The following TM9SF1 variants were observed in gnomAD, a reference collection of about 807,000 sequenced individuals.
TM9SF1 encodes MP70 protein family member.
A neutral mutation model predicts 52.4 loss-of-function variants in TM9SF1; 25 were observed. The ratio of observed to expected loss-of-function variants is 0.48; its 90% confidence interval spans 0.35 to 0.67. TM9SF1 has a LOEUF of 0.67. Among genes scored for constraint, TM9SF1 ranks in the 30% least tolerant of loss-of-function variants. The pLI, the probability that TM9SF1 is intolerant of heterozygous loss-of-function variation, is 0.01. For synonymous variants in TM9SF1, 284 were observed against 299.8 expected (o/e 0.95, Z 0.55); for missense variants, 604 against 780.3 (o/e 0.77, Z 2.69).
In TM9SF1 at chr14:24,195,033, G is replaced by C. The variant is rs756137382; in HGVS notation, c.-14C>G. The C allele has an allele frequency of 1.2e-6, 2 of 1,608,204 alleles. No individual in the cohort carries two copies. Among genetic ancestry groups the C allele is most frequent in the Admixed American group, 1.7e-5 (1 of 59,886 alleles). ...TACGACTGTCATCCTTAAGGCAGTG[G>C]AACCTGTTTGGGGGAATCCTGAGGT... is the stretch of plus-strand genomic sequence containing the variant. On this transcript the variant is annotated 5_prime_UTR_variant, in exon 2 of 6. Transcript: ENST00000261789.
At position 24,189,636 on chromosome 14, in the gene TM9SF1, G is replaced by A. The variant is rs754976441; in HGVS notation, c.1600C>T (p.Arg534Ter). ...GTGGAGCCAACACTCAGCACAGATC[G>A]CCACCACCAGCGGTAATCCTCCCCA... is the stretch of plus-strand genomic sequence containing the variant. ...LSGEDYRWWW[R>*]SVLSVGSTGL... is the part of the protein sequence containing the mutation. The change falls in exon 6 of 6, where the codon CGA becomes TGA. Residue 534 changes from arginine (R) to a stop codon, truncating the protein, a stop_gained. Transcript: ENST00000261789. LOFTEE classifies it high-confidence loss of function. The A allele has an allele frequency of 4.3e-6, 7 of 1,613,990 alleles. No individual in the cohort carries two copies. The highest frequency in any genetic ancestry group is 2.7e-5 in the African/African-American group (2 of 74,914).
Position 24,189,502 on chromosome 14 carries a change from A to G in TM9SF1, c.1734T>C (p.Tyr578=). The change falls in exon 6 of 6, where the codon TAT becomes TAC. Residue 578 remains tyrosine, a synonymous_variant. Coordinates refer to ENST00000261789, the MANE Select transcript of TM9SF1 (RefSeq NM_006405.7). ...EFFGYSLLTG[Y]VFFLMLGTIS... ...TGGTGCCCAGCATGAGGAAGAAGAC[A>G]TAACCAGTGAGTAAGGAGTAGCCGA... 1 of 1,614,220 alleles carries G rather than the reference A, an allele frequency of 6.2e-7. No individual in the cohort carries two copies. The highest frequency in any genetic ancestry group is 8.5e-7 in the Non-Finnish European group (1 of 1,180,032).
In TM9SF1 at chr14:24,192,998, A is replaced by G. The variant is rs1473685437; in HGVS notation, c.617T>C (p.Val206Ala). The G allele has an allele frequency of 1.9e-6, 3 of 1,614,110 alleles. No individual in the cohort carries two copies. The highest frequency in any genetic ancestry group is 2.7e-5 in the African/African-American group (2 of 74,940). Residue 206 changes from valine to alanine, a missense_variant, in exon 3 of 6, where the codon GTG (valine) becomes GCG (alanine). Val to Ala is a moderately conservative substitution (Grantham distance 64). This residue lies in a region of TM9SF1 where 450 missense variants were observed against 560.1 expected (regional missense o/e 0.80). Transcript: ENST00000261789. This position sits in a 1 kb window ranked among gnomAD's most constrained non-coding sequence, Gnocchi z 4.0. ...CTCCACTGAAGTCTCAGACCAGCGC[A>G]CGCTATAAGTGTGGGTAAGGCCTAG... is the stretch of plus-strand genomic sequence containing the variant. ...EFLGLTHTYS[V>A]RWSETSVERR...
chr14:24,193,317 CAG>C (rs771140106), intron 2 of TM9SF1, 48 bp from the exon 3 acceptor site: 2 of 1,534,348 alleles, frequency 1.3e-6, no homozygotes, highest in East Asian at 2.3e-5. Context: ...TCCCCAGGCG[CAG>C]AGTTACAGCA....
intron 4 of TM9SF1, 85 bp from the exon 5 acceptor site, chr14:24,190,738 G>A (rs1339854903): frequency 1.5e-6 from 2 of 1,303,092 alleles, no homozygotes; most frequent in South Asian, 3.0e-5. Flanking sequence ...ACCAAAAGGG[G>A]AGGGGGCTGA....
Position 24,194,881 on chromosome 14 carries a change from T to G in TM9SF1, c.139A>C (p.Asn47His). Residue 47 changes from asparagine (N) to histidine (H), a missense_variant, in exon 2 of 6, where the codon AAC becomes CAC. Physicochemically the swap from Asn to His is moderately conservative, Grantham distance 68. This residue lies in a region of TM9SF1 where 450 missense variants were observed against 560.1 expected (regional missense o/e 0.80). Transcript: ENST00000261789. Reference protein sequence around the residue: ...KAGDPVILYVNKVGPYHNPQE... With the variant: ...KAGDPVILYVHKVGPYHNPQE... ...GGGTTATGGTAGGGTCCCACTTTGTTGACATACAGAATAACAGGGTCGCCG... is the reference window on the plus strand; with the variant it reads ...GGGTTATGGTAGGGTCCCACTTTGTGGACATACAGAATAACAGGGTCGCCG... 1 of 1,614,224 alleles carries G rather than the reference T, an allele frequency of 6.2e-7. No individual in the cohort carries two copies. Among genetic ancestry groups the G allele is most frequent in the Non-Finnish European group, 8.5e-7 (1 of 1,180,046 alleles).
rs754439444 is a variant in TM9SF1 at position 24,193,285 on chromosome 14, C to A, written c.346-16G>T. On this transcript the variant is annotated splice_polypyrimidine_tract_variant and intron_variant, in intron 2 of 5. Coordinates refer to ENST00000261789, the MANE Select transcript of TM9SF1 (RefSeq NM_006405.7). ...GCTGCTCCACCTATAAAGAGCAAGT[C>A]AGGAGTTGGTCACACAAGATCTCCC... 20 of 1,573,246 alleles carry A rather than the reference C, an allele frequency of 1.3e-5. No individual in the cohort carries two copies. The highest frequency in any genetic ancestry group is 1.7e-5 in the Non-Finnish European group (20 of 1,158,306).
At chr14:24,191,835 T>A in intron 4 of TM9SF1, 1 of 211,014 alleles carries the variant, frequency 4.7e-6, no homozygotes, top group Non-Finnish European at 9.7e-6. Context: ...TTTGAGACAG[T>A]CTCACTCTGT....
intron 4 of TM9SF1, among the ~76,000 whole-genome samples, chr14:24,190,923 G>A (rs1349285621): frequency 5.9e-5 from 8 of 136,646 alleles, no homozygotes; most frequent in African/African-American, 1.9e-4. Context: ...GTGCAGTGGC[G>A]CGATCTCTGC....
intron 4 of TM9SF1, among the ~76,000 whole-genome samples, chr14:24,191,109 C>T (rs1042552958): frequency 4.6e-5 from 7 of 152,238 alleles, no homozygotes; most frequent in Admixed American, 4.6e-4. Context: ...TGGTGATCTG[C>T]CTGCCTCAGC....
At position 24,194,668 on chromosome 14, in the gene TM9SF1, G is replaced by A. The variant is rs1361044498; in HGVS notation, c.345+7C>T. 2 of 1,612,374 alleles carry A rather than the reference G, an allele frequency of 1.2e-6. No individual in the cohort carries two copies. The highest frequency in any genetic ancestry group is 2.7e-5 in the African/African-American group (2 of 74,928). ...GGCTACGTGATAGCCAATGTGGAGA[G>A]GCTGACCTGTGCAGAACTGAGCTGC... On this transcript the variant is annotated splice_region_variant and intron_variant, in intron 2 of 5. Coordinates refer to ENST00000261789, the MANE Select transcript of TM9SF1 (RefSeq NM_006405.7).
At chr14:24,195,093 C>A in intron 1 of TM9SF1, 57 bp from the exon 2 acceptor site, 1 of 1,337,050 alleles carries the variant, frequency 7.5e-7, no homozygotes, top group African/African-American at 1.4e-5. Flanking sequence ...AACCCCAGGT[C>A]AGGTGCCTCG....
chr14:24,189,805 G>A lies in TM9SF1; in HGVS notation c.1431C>T (p.Ala477=), dbSNP rs765038819. ...AGATGTAGTACAGCTCCACAGAGATGGCACTGTGAAGAAAAGAGATGATAC... is the reference window on the plus strand; with the variant it reads ...AGATGTAGTACAGCTCCACAGAGATAGCACTGTGAAGAAAAGAGATGATAC... ...MTVGGFLPFS[A]ISVELYYIFA... The change falls in exon 6 of 6, where the codon GCC becomes GCT. Residue 477 remains alanine (A), a synonymous_variant. Coordinates refer to ENST00000261789, the MANE Select transcript of TM9SF1 (RefSeq NM_006405.7). 43 of 1,601,032 alleles carry A rather than the reference G, an allele frequency of 2.7e-5. No homozygotes were observed. Among genetic ancestry groups the A allele is most frequent in the Non-Finnish European group, 3.6e-5 (42 of 1,171,276 alleles).
chr14:24,191,447 T>G (rs2039321824), intron 4 of TM9SF1, among the ~76,000 whole-genome samples: 1 of 152,250 alleles, frequency 6.6e-6, no homozygotes, highest in Non-Finnish European at 1.5e-5. Flanking sequence ...AAGGGCAATC[T>G]GGTTTGAAAG....
chr14:24,195,288 C>A (rs2039382099), intron 1 of TM9SF1, 58 bp downstream of exon 1: 1 of 464,758 alleles, frequency 2.2e-6, no homozygotes, highest in Non-Finnish European at 3.9e-6. Flanking sequence ...GTTTCCATGG[C>A]AACGCCGCTC....
intron 5 of TM9SF1, chr14:24,190,067 G>GT: frequency 7.4e-7 from 1 of 1,354,176 alleles, no homozygotes; most frequent in Non-Finnish European, 9.5e-7. Flanking sequence ...TTCTTTGCCT[G>GT]GCACAAAGAG....
rs1211906530 is a variant in TM9SF1, at chr14:24,189,448, G to A, written c.1788C>T (p.Ile596=). 1 of 1,614,030 alleles carries A rather than the reference G, an allele frequency of 6.2e-7. No homozygotes were observed. The highest frequency in any genetic ancestry group is 1.7e-5 in the Admixed American group (1 of 59,992). The change falls in exon 6 of 6, where the codon ATC becomes ATT. Residue 596 remains isoleucine (I), a synonymous_variant. Transcript: ENST00000261789. ...TISFFSSLKF[I]RYIYVNLKMD ...TCTTGAGGTTAACATAGATATACCG[G>A]ATGAACTTTAGGGAAGAAAAAAAGG...
intron 4 of TM9SF1, 143 bp from the exon 5 acceptor site, chr14:24,190,796 C>T (rs919169271): frequency 3.2e-6 from 2 of 629,018 alleles, no homozygotes; most frequent in African/African-American, 1.9e-5. Context: ...GATGTCCCTG[C>T]AGAGTCGACT....
chr14:24,193,446 A>T (rs2039353506), intron 2 of TM9SF1, among the ~76,000 whole-genome samples, 177 bp from the exon 3 acceptor site: 1 of 151,754 alleles, frequency 6.6e-6, no homozygotes, highest in Non-Finnish European at 1.5e-5. Flanking sequence ...GGCTTACTGC[A>T]ACTTCTGCCT....
Sources: allele counts gnomAD v4.1 joint callset (sites outside exome capture counted in the v4.1 genomes callset), GRCh38; gene constraint gnomAD v4.1.1; regional missense constraint gnomAD v4.1.1; non-coding constraint Gnocchi (gnomAD v3.1); transcripts MANE v1.5; gene names NCBI Gene and HGNC (gene_info 2026-07-23, HGNC 2026-07-21).